The following IBTK variants were observed in gnomAD, a reference collection of about 807,000 sequenced individuals.
The protein encoded by IBTK is inhibitor of Bruton tyrosine kinase.
IBTK carries 83 observed loss-of-function variants against 154.9 expected under a neutral mutation model. That is an observed-to-expected ratio of 0.54 (90% confidence interval 0.45 to 0.64). IBTK has a LOEUF of 0.64. Among genes scored for constraint, IBTK ranks in the 30% least tolerant of loss-of-function variants. IBTK has a pLI of 0.00. For missense variants in IBTK, 1,332 were observed against 1,584.6 expected, an observed-to-expected ratio of 0.84 and a Z score of 2.71; for synonymous variants, 515 against 536.1, an observed-to-expected ratio of 0.96 and a Z score of 0.54.
intron 16 of IBTK, among the ~76,000 whole-genome samples, chr6:82,209,977 T>TA (rs1305365615): frequency 2.0e-5 from 3 of 152,048 alleles, no homozygotes; most frequent in African/African-American, 4.8e-5. Flanking sequence ...TTCTTGAATA[T>TA]AAAAAAAGGT....
intron 10 of IBTK, 83 bp downstream of exon 10, chr6:82,217,877 C>A: frequency 1.1e-6 from 1 of 890,582 alleles, no homozygotes; most frequent in Non-Finnish European, 1.6e-6. Context: ...AACCTAATAA[C>A]ACTTGTCAGT....
rs561678012 is a variant in IBTK at position 82,238,787 on chromosome 6, G to A, written c.321+1379C>T. 8.6e-5 allele frequency among the ~76,000 whole-genome samples: 13 copies of A among 152,018 alleles called. No individual in the cohort carries two copies. In the East Asian group the frequency reaches 2.3e-3, roughly 27 times the overall value. ...AGAGTCTCACTCTGTCGCCTAGGCTGGAGTGCAGTGACACGATCTTGGCAA... is the reference window on the plus strand; with the variant it reads ...AGAGTCTCACTCTGTCGCCTAGGCTAGAGTGCAGTGACACGATCTTGGCAA... On this transcript the variant is annotated intron_variant, in intron 2 of 28. Transcript: ENST00000306270.
At chr6:82,247,291 G>A (rs1771188452) in intron 1 of IBTK, among the ~76,000 whole-genome samples, 1 of 152,214 alleles carries the variant, frequency 6.6e-6, no homozygotes, top group Non-Finnish European at 1.5e-5. Context: ...GTCGCTGGAG[G>A]GCGTGTCCAG....
chr6:82,208,233 T>G (rs1769487210), intron 16 of IBTK, among the ~76,000 whole-genome samples: 1 of 151,800 alleles, frequency 6.6e-6, no homozygotes. Flanking sequence ...TATATATATC[T>G]CAAAGCATCA....
intron 11 of IBTK, among the ~76,000 whole-genome samples, chr6:82,215,205 G>A (rs1159711358): frequency 1.3e-5 from 2 of 152,128 alleles, no homozygotes; most frequent in Admixed American, 6.6e-5. Flanking sequence ...TCTCAGATGA[G>A]ACTTTCAATG....
chr6:82,232,807 G>A (rs1770558502), intron 3 of IBTK, among the ~76,000 whole-genome samples: 1 of 152,052 alleles, frequency 6.6e-6, no homozygotes, highest in Non-Finnish European at 1.5e-5. Context: ...CTGGAGTTCA[G>A]GAGTTCCAGA....
intron 28 of IBTK, among the ~76,000 whole-genome samples, chr6:82,171,876 T>G (rs1767937991): frequency 6.6e-6 from 1 of 152,230 alleles, no homozygotes; most frequent in Non-Finnish European, 1.5e-5. Context: ...TTTCTGTTGT[T>G]GTACAAGTCT....
Position 82,247,729 on chromosome 6 carries a change from A to C in IBTK, c.-525T>G. 2.5e-6 allele frequency: 1 copy of C among 398,068 alleles called. No individual in the cohort carries two copies. Among genetic ancestry groups the C allele is most frequent in the Non-Finnish European group, 4.4e-6 (1 of 225,864 alleles). The allele number at this position is 398,068 out of a possible 1,614,324, so 24.7% of individuals were successfully genotyped here. Reference sequence around the variant, plus strand: ...GCTGCAATACAGCCGCTACTACAGGAATCGGGAACGGGGATGTAGAGGAAG... The same window carrying C: ...GCTGCAATACAGCCGCTACTACAGGCATCGGGAACGGGGATGTAGAGGAAG... On this transcript the variant is annotated 5_prime_UTR_variant, in exon 1 of 29. In the 5' UTR this introduces an upstream ATG that the reference lacks. Transcript: ENST00000306270.
Position 82,194,516 on chromosome 6 carries a change from T to A in IBTK, c.3301A>T (p.Thr1101Ser). The change falls in exon 23 of 29, where the codon ACT becomes TCT. Residue 1101 changes from threonine to serine, a missense_variant. By Grantham distance (58) the Thr-to-Ser change is moderately conservative (BLOSUM62 1). Coordinates refer to ENST00000306270, the MANE Select transcript of IBTK (RefSeq NM_015525.4). The stretch of plus-strand genomic sequence containing the variant: ...GCAACCCAACTGGCAGAGCTGGTAG[T>A]ATCAATTCTGTTACTGGGAATAGGC... ...PQPIPSNRIDTTSSASWVAGS... is the reference protein window; with the variant it reads ...PQPIPSNRIDSTSSASWVAGS... The A allele has an allele frequency of 6.2e-7, 1 of 1,603,710 alleles. No individual in the cohort carries two copies. Among genetic ancestry groups the A allele is most frequent in the Non-Finnish European group, 8.5e-7 (1 of 1,174,814 alleles).
At chr6:82,179,840 T>C (rs1262431315) in intron 26 of IBTK, among the ~76,000 whole-genome samples, 2 of 152,094 alleles carry the variant, frequency 1.3e-5, no homozygotes, top group African/African-American at 4.8e-5. Flanking sequence ...AGGGGAAGAA[T>C]CTAGTTAAAA....
rs147196842 is a variant in IBTK, at chr6:82,242,835, G to C, written c.-357-1992C>G. Among the ~76,000 whole-genome samples, 1,209 of 152,092 alleles carry C rather than the reference G, an allele frequency of 7.9e-3. 19 individuals carry two copies. Among genetic ancestry groups the C allele is most frequent in the African/African-American group, 0.027 (1,110 of 41,486 alleles). On this transcript the variant is annotated intron_variant, in intron 1 of 28. Transcript: ENST00000306270. ...TCCTGTAATCCCAGCTACTTGGGAG[G>C]CTGAGGCAGGAGAAATGCTTGAACC...
At chr6:82,198,186 A>T (rs147406031) in intron 21 of IBTK, among the ~76,000 whole-genome samples, 4 of 152,306 alleles carry the variant, frequency 2.6e-5, no homozygotes, top group Admixed American at 1.3e-4. Context: ...TAACAATAAC[A>T]TTATTTAAAA....
chr6:82,180,593 A>ATT (rs1768287318), intron 26 of IBTK, among the ~76,000 whole-genome samples: 1 of 152,240 alleles, frequency 6.6e-6, no homozygotes, highest in African/African-American at 2.4e-5. Flanking sequence ...TGCTAGAAGT[A>ATT]TTAGACAAGT....
intron 26 of IBTK, among the ~76,000 whole-genome samples, chr6:82,178,860 G>A (rs1477582010): frequency 6.6e-6 from 1 of 152,200 alleles, no homozygotes; most frequent in Admixed American, 6.5e-5. Flanking sequence ...GAAGGAAAGT[G>A]CATTTGAGAA....
intron 9 of IBTK, among the ~76,000 whole-genome samples, chr6:82,220,159 G>A (rs1411806219): frequency 1.3e-5 from 2 of 152,032 alleles, no homozygotes; most frequent in Non-Finnish European, 2.9e-5. Flanking sequence ...GCAATGAGCC[G>A]ACATCATGAC....
chr6:82,234,986 G>A (rs768459511), intron 2 of IBTK, among the ~76,000 whole-genome samples: 4 of 151,594 alleles, frequency 2.6e-5, no homozygotes, highest in African/African-American at 7.3e-5. Context: ...TCAGCCTCCC[G>A]AGTAGCTGGG....
chr6:82,224,015 T>A (rs951858001), intron 7 of IBTK, 53 bp downstream of exon 7: 46 of 978,770 alleles, frequency 4.7e-5, no homozygotes, highest in Non-Finnish European at 7.0e-5. Context: ...GAAAAGATAA[T>A]TTTTTAAAGA....
intron 11 of IBTK, among the ~76,000 whole-genome samples, chr6:82,215,529 G>A (rs1431301751): frequency 6.6e-6 from 1 of 152,140 alleles, no homozygotes; most frequent in African/African-American, 2.4e-5. Context: ...GCTCATGCCT[G>A]TAATCCTAGC....
At position 82,224,000 on chromosome 6, in the gene IBTK, A is replaced by C; in HGVS notation, c.943+68T>G. The C allele has an allele frequency of 2.2e-6, 2 of 902,676 alleles. 1 individual carries two copies. Among genetic ancestry groups the C allele is most frequent in the Non-Finnish European group, 3.5e-6 (2 of 565,916 alleles). The allele number at this position is 902,676 out of a possible 1,614,324, so 55.9% of individuals were successfully genotyped here. On this transcript the variant is annotated intron_variant, in intron 7 of 28. Coordinates refer to ENST00000306270, the MANE Select transcript of IBTK (RefSeq NM_015525.4). The stretch of plus-strand genomic sequence containing the variant: ...AATCTCATTCTAATCAATAAAAATT[A>C]AAAAGAAAAGATAATTTTTTAAAGA...
Sources: gnomAD v4.1 joint callset for allele counts (sites outside exome capture counted in the v4.1 genomes callset) on GRCh38, gnomAD v4.1.1 for gene constraint, MANE v1.5 for transcripts, NCBI Gene and HGNC (gene_info 2026-07-23, HGNC 2026-07-21) for gene names.